METAP1: variants seen among roughly 807,000 people sequenced by gnomAD.
The protein encoded by METAP1 is methionine aminopeptidase 1.
A neutral mutation model predicts 53.8 loss-of-function variants in METAP1; 28 were observed. The observed-to-expected ratio is 0.52, with a 90% confidence interval of 0.39 to 0.71. METAP1 has a LOEUF of 0.71. Ranked by LOEUF, METAP1 falls within the 30% of genes least tolerant of loss-of-function variation. METAP1 has a pLI of 0.00. For synonymous variants in METAP1, 181 were observed against 165.7 expected, an observed-to-expected ratio of 1.09 and a Z score of -0.71; for missense variants, 389 against 479.8, an observed-to-expected ratio of 0.81 and a Z score of 1.77.
intron 10 of METAP1, among the ~76,000 whole-genome samples, chr4:99,060,837 A>G (rs189789452): frequency 6.6e-6 from 1 of 152,200 alleles, no homozygotes; most frequent in Non-Finnish European, 1.5e-5. Context: ...ATAATGATAC[A>G]TATAATTAAT....
chr4:99,049,207 A>G (rs1032456795), intron 9 of METAP1, among the ~76,000 whole-genome samples: 5 of 152,126 alleles, frequency 3.3e-5, no homozygotes, highest in African/African-American at 7.2e-5. Context: ...TGAAGCTTGA[A>G]GGGGTATACC....
intron 4 of METAP1, chr4:99,036,060 C>T (rs574799666): frequency 6.5e-6 from 1 of 154,286 alleles, no homozygotes; most frequent in African/African-American, 2.4e-5. Flanking sequence ...TACTGAGACA[C>T]CCAGCGAAGA....
intron 1 of METAP1, among the ~76,000 whole-genome samples, chr4:99,025,063 C>T (rs1303904353): frequency 1.3e-5 from 2 of 152,222 alleles, no homozygotes; most frequent in African/African-American, 4.8e-5. Flanking sequence ...GGAGGTGGAG[C>T]TCAGGCTCCA....
intron 1 of METAP1, among the ~76,000 whole-genome samples, chr4:99,016,347 G>A (rs1243745923): frequency 2.0e-5 from 3 of 152,156 alleles, no homozygotes; most frequent in Non-Finnish European, 4.4e-5. Context: ...TTGGTCCATC[G>A]TAGATGAGTC....
chr4:99,000,028 C>T (rs1211775273), intron 1 of METAP1, among the ~76,000 whole-genome samples: 1 of 152,090 alleles, frequency 6.6e-6, no homozygotes, highest in Non-Finnish European at 1.5e-5. Context: ...TTCCAAAGTG[C>T]CTTGCCCACA....
intron 1 of METAP1, among the ~76,000 whole-genome samples, chr4:99,009,864 T>C (rs1028496281): frequency 2.0e-5 from 3 of 152,238 alleles, no homozygotes; most frequent in Non-Finnish European, 4.4e-5. Flanking sequence ...AACAAAAGTT[T>C]TTTAAGTTTG....
intron 1 of METAP1, chr4:99,025,411 T>TA: frequency 2.0e-6 from 2 of 985,420 alleles, no homozygotes; most frequent in Non-Finnish European, 2.4e-6. Flanking sequence ...CACCTTCTCT[T>TA]AACTCTGACT....
rs190012907 is a variant in METAP1, at chr4:99,054,985, A to G, written c.932-2768A>G. ...ATGAACATGTTTGAAAGATTGTGAAAATTACCAAATTGTGACACAGAGACA... is the reference window on the plus strand; with the variant it reads ...ATGAACATGTTTGAAAGATTGTGAAGATTACCAAATTGTGACACAGAGACA... On this transcript the variant is annotated intron_variant, in intron 9 of 10. Transcript: ENST00000296411. Among the ~76,000 whole-genome samples, 966 of 152,296 alleles carry G rather than the reference A, an allele frequency of 6.3e-3. 2 individuals carry two copies. The highest frequency in any genetic ancestry group is 0.011 in the Non-Finnish European group (749 of 68,016).
At chr4:99,057,929 C>A in intron 10 of METAP1, 111 bp downstream of exon 10, 1 of 825,880 alleles carries the variant, frequency 1.2e-6, no homozygotes, top group Non-Finnish European at 1.9e-6. Flanking sequence ...CCTACTCACT[C>A]CCTGTCCCAC....
chr4:99,026,929 C>A, intron 1 of METAP1: 1 of 810,046 alleles, frequency 1.2e-6, no homozygotes, highest in Non-Finnish European at 1.5e-6. Context: ...AAATACAAGC[C>A]CTTAGCTAAT....
intron 2 of METAP1, among the ~76,000 whole-genome samples, chr4:99,031,195 T>G (rs868560855): frequency 3.4e-4 from 51 of 151,840 alleles, no homozygotes; most frequent in African/African-American, 1.2e-3. Flanking sequence ...TGCTGATTCT[T>G]GGGTGCATGT....
intron 1 of METAP1, among the ~76,000 whole-genome samples, chr4:99,008,762 G>A (rs192081296): frequency 6.6e-6 from 1 of 152,152 alleles, no homozygotes; most frequent in Non-Finnish European, 1.5e-5. Context: ...TGCTTGGTAT[G>A]TAGTAAAATC....
intron 1 of METAP1, among the ~76,000 whole-genome samples, chr4:99,014,222 C>T (rs937766559): frequency 1.3e-5 from 2 of 152,146 alleles, no homozygotes; most frequent in African/African-American, 2.4e-5. Context: ...TTATTTATGC[C>T]AGAGTTCTTA....
intron 1 of METAP1, among the ~76,000 whole-genome samples, chr4:99,019,587 T>C (rs989593792): frequency 4.6e-5 from 7 of 152,178 alleles, no homozygotes; most frequent in African/African-American, 1.7e-4. Context: ...CCCCTGCCTC[T>C]CTGTGAGATG....
intron 1 of METAP1, among the ~76,000 whole-genome samples, chr4:99,016,081 G>A (rs1723748782): frequency 6.6e-6 from 1 of 152,140 alleles, no homozygotes. Flanking sequence ...TTATGAAGAC[G>A]TGGTCTCCAG....
chr4:99,023,700 T>C (rs1724317615), intron 1 of METAP1: 9 of 985,356 alleles, frequency 9.1e-6, no homozygotes, highest in Non-Finnish European at 1.1e-5. Context: ...GATGGGGAGA[T>C]ATGTTGTGAA....
chr4:99,042,071 T>C (rs1725915151), intron 6 of METAP1, among the ~76,000 whole-genome samples: 1 of 151,946 alleles, frequency 6.6e-6, no homozygotes, highest in South Asian at 2.1e-4. Flanking sequence ...CTCCGTTTTA[T>C]AGGTAAGGAA....
At chr4:99,039,987 A>G (rs1725741263) in intron 5 of METAP1, among the ~76,000 whole-genome samples, 1 of 152,140 alleles carries the variant, frequency 6.6e-6, no homozygotes, top group South Asian at 2.1e-4. Context: ...TCGGCCTCCC[A>G]CAGTGCTGGG....
chr4:99,037,699 A>T (rs1186880141), intron 4 of METAP1: 1 of 151,914 alleles, frequency 6.6e-6, no homozygotes, highest in East Asian at 1.9e-4. Flanking sequence ...CCAAACTTTT[A>T]ATTATCATAG....
Sources: gnomAD v4.1 joint callset for allele counts (sites outside exome capture counted in the v4.1 genomes callset) on GRCh38, gnomAD v4.1.1 for gene constraint, MANE v1.5 for transcripts, NCBI Gene and HGNC (gene_info 2026-07-23, HGNC 2026-07-21) for gene names.